COMMD10: variants seen among roughly 807,000 people sequenced by gnomAD.
COMMD10 encodes COMM domain-containing protein 10.
Under a neutral mutation model 28.9 loss-of-function variants are expected in COMMD10, and 33 were observed. The ratio of observed to expected loss-of-function variants is 1.14; its 90% CI spans 0.87 to 1.53. The LOEUF is 1.53. COMMD10 is among the 40% of genes most tolerant of loss of function. COMMD10 has a pLI of 0.00. For missense variants in COMMD10, 310 were observed against 233.4 expected (o/e 1.33, Z -2.14); for synonymous variants, 110 against 81.7 (o/e 1.35, Z -1.87).
At chr5:116,087,392 A>G (rs905722197) in intron 1 of COMMD10, 105 bp from the exon 2 acceptor site, 9 of 713,944 alleles carry the variant, frequency 1.3e-5, no homozygotes, top group African/African-American at 7.0e-5. Context: ...CAGATTTACC[A>G]TATAGCATTC....
chr5:116,198,494 A>G (rs189705596), intron 5 of COMMD10, among the ~76,000 whole-genome samples: 2 of 152,294 alleles, frequency 1.3e-5, no homozygotes, highest in Admixed American at 1.3e-4. Context: ...TTAGAGTGAT[A>G]TGTTTGTCAC....
intron 5 of COMMD10, among the ~76,000 whole-genome samples, chr5:116,160,360 A>G (rs552666634): frequency 2.0e-5 from 3 of 152,320 alleles, no homozygotes; most frequent in South Asian, 4.1e-4. Flanking sequence ...GCATTTGGCA[A>G]TGAGCTAAAT....
intron 5 of COMMD10, among the ~76,000 whole-genome samples, chr5:116,241,695 C>G (rs763941043): frequency 6.6e-6 from 1 of 151,992 alleles, no homozygotes; most frequent in Non-Finnish European, 1.5e-5. Flanking sequence ...TCACTGAATG[C>G]TCCGCCTCCC....
At chr5:116,206,400 C>T (rs1488828956) in intron 5 of COMMD10, among the ~76,000 whole-genome samples, 1 of 152,124 alleles carries the variant, frequency 6.6e-6, no homozygotes, top group Non-Finnish European at 1.5e-5. Flanking sequence ...CTTGTAATCC[C>T]AGCACTTTGG....
At chr5:116,219,504 A>C (rs545011041) in intron 5 of COMMD10, among the ~76,000 whole-genome samples, 1 of 152,174 alleles carries the variant, frequency 6.6e-6, no homozygotes, top group Admixed American at 6.5e-5. Context: ...TGACACAGAC[A>C]TACATAAGAG....
At chr5:116,136,159 G>A (rs1046708106) in intron 5 of COMMD10, among the ~76,000 whole-genome samples, 1 of 152,004 alleles carries the variant, frequency 6.6e-6, no homozygotes, top group Non-Finnish European at 1.5e-5. Flanking sequence ...CTCTTCCCTT[G>A]TTCCTTGCAT....
intron 5 of COMMD10, among the ~76,000 whole-genome samples, chr5:116,276,231 G>A (rs1436460432): frequency 6.6e-6 from 1 of 151,416 alleles, no homozygotes; most frequent in Non-Finnish European, 1.5e-5. Flanking sequence ...AGCATGTGAA[G>A]CATGATTGAG....
At chr5:116,250,089 A>AT (rs1750065332) in intron 5 of COMMD10, among the ~76,000 whole-genome samples, 1 of 151,790 alleles carries the variant, frequency 6.6e-6, no homozygotes. Context: ...TTTTCTGTTC[A>AT]TTCTCTGTTT....
intron 4 of COMMD10, among the ~76,000 whole-genome samples, chr5:116,126,554 A>C (rs1195837660): frequency 2.6e-5 from 4 of 151,942 alleles, no homozygotes; most frequent in Non-Finnish European, 5.9e-5. Flanking sequence ...CCAAAACAGC[A>C]TGGTACTGGT....
At chr5:116,170,048 T>C (rs1270282617) in intron 5 of COMMD10, among the ~76,000 whole-genome samples, 1 of 152,126 alleles carries the variant, frequency 6.6e-6, no homozygotes, top group Admixed American at 6.5e-5. Context: ...GAAGTAAAAT[T>C]GTCTCTTTTT....
chr5:116,159,230 A>G (rs1202623093), intron 5 of COMMD10, among the ~76,000 whole-genome samples: 1 of 152,198 alleles, frequency 6.6e-6, no homozygotes, highest in African/African-American at 2.4e-5. Flanking sequence ...CATGCTGCCT[A>G]TTTGATTTCA....
intron 5 of COMMD10, among the ~76,000 whole-genome samples, chr5:116,221,902 T>C (rs1036364238): frequency 6.6e-6 from 1 of 151,922 alleles, no homozygotes; most frequent in Admixed American, 6.6e-5. Context: ...GGGAGGGAGG[T>C]AGATAGGCAG....
At position 116,293,215 on chromosome 5, in the gene COMMD10, G is replaced by A. The variant is rs1340105971; in HGVS notation, c.*726G>A. The A allele has an allele frequency of 5.2e-6, 2 of 383,810 alleles. No homozygotes were observed. Among genetic ancestry groups the A allele is most frequent in the Non-Finnish European group, 9.2e-6 (2 of 216,946 alleles). The allele number at this position is 383,810 out of a possible 1,614,324, so 23.8% of individuals were successfully genotyped here. A position where few individuals can be genotyped will look rare whatever the true frequency, so the allele number is the denominator to read the frequency against. ...GAGTGCTAAATGGGCACCATTATTCGAATCAGATACCTTTTATATTCTCTT... is the reference window on the plus strand; with the variant it reads ...GAGTGCTAAATGGGCACCATTATTCAAATCAGATACCTTTTATATTCTCTT... On this transcript the variant is annotated 3_prime_UTR_variant, in exon 7 of 7. Coordinates refer to ENST00000274458, the MANE Select transcript of COMMD10 (RefSeq NM_016144.4).
intron 4 of COMMD10, among the ~76,000 whole-genome samples, chr5:116,126,944 G>C (rs964819707): frequency 1.3e-5 from 2 of 152,198 alleles, no homozygotes; most frequent in African/African-American, 4.8e-5. Context: ...TTAAACTAAA[G>C]AGCTTCTGCA....
chr5:116,250,121 C>A (rs1750066342), intron 5 of COMMD10, among the ~76,000 whole-genome samples: 1 of 151,744 alleles, frequency 6.6e-6, no homozygotes, highest in African/African-American at 2.4e-5. Context: ...TGACTTTTTA[C>A]TTTCAAACAT....
At chr5:116,101,578 C>T (rs1190281678) in intron 4 of COMMD10, among the ~76,000 whole-genome samples, 2 of 152,050 alleles carry the variant, frequency 1.3e-5, no homozygotes, top group African/African-American at 4.8e-5. Flanking sequence ...AGGCGCACAC[C>T]ACCACGCCCG....
chr5:116,118,304 G>A (rs961491781), intron 4 of COMMD10, among the ~76,000 whole-genome samples: 2 of 150,766 alleles, frequency 1.3e-5, no homozygotes, highest in South Asian at 2.1e-4. Context: ...TTACTTTTTT[G>A]TCTGTCTCTA....
chr5:116,268,191 A>G (rs866727024), intron 5 of COMMD10, among the ~76,000 whole-genome samples: 2 of 151,992 alleles, frequency 1.3e-5, no homozygotes, highest in Non-Finnish European at 2.9e-5. Flanking sequence ...AATGTTTGCA[A>G]TCTACCCATC....
chr5:116,281,107 G>A (rs1295363141), intron 5 of COMMD10, among the ~76,000 whole-genome samples: 1 of 151,742 alleles, frequency 6.6e-6, no homozygotes, highest in African/African-American at 2.4e-5. Flanking sequence ...TTAAAGCTAA[G>A]CAATGTAAAT....
Sources: allele counts gnomAD v4.1 joint callset (sites outside exome capture counted in the v4.1 genomes callset), GRCh38; gene constraint gnomAD v4.1.1; transcripts MANE v1.5; gene names NCBI Gene and HGNC (gene_info 2026-07-23, HGNC 2026-07-21).